STK32B: variants seen among roughly 807,000 people sequenced by gnomAD.
STK32B encodes serine/threonine-protein kinase 32B.
In STK32B, 43 loss-of-function variants were observed where a neutral mutation model predicts 52.6. The ratio of observed to expected loss-of-function variants is 0.82; its 90% CI spans 0.64 to 1.05. The LOEUF (loss-of-function observed/expected upper bound fraction) is 1.05. STK32B is among the 50% of genes least tolerant of loss of function. STK32B has a pLI of 0.00. For synonymous variants in STK32B, 238 were observed against 204.3 expected, an observed-to-expected ratio of 1.17 and a Z score of -1.41; for missense variants, 621 against 534.6, an observed-to-expected ratio of 1.16 and a Z score of -1.59.
chr4:5,171,876 T>A (rs545756680), intron 3 of STK32B, among the ~76,000 whole-genome samples: 2 of 151,042 alleles, frequency 1.3e-5, no homozygotes, highest in East Asian at 2.0e-4. Context: ...GGGATGGCAT[T>A]GAATCTATAA....
intron 3 of STK32B, among the ~76,000 whole-genome samples, chr4:5,184,175 C>A (rs1287806604): frequency 2.6e-5 from 4 of 152,098 alleles, no homozygotes; most frequent in Non-Finnish European, 5.9e-5. Flanking sequence ...TTATTTCTGG[C>A]TTTTGATTTA....
chr4:5,136,901 G>A (rs1191742418), intron 1 of STK32B, among the ~76,000 whole-genome samples: 1 of 152,156 alleles, frequency 6.6e-6, no homozygotes, highest in Non-Finnish European at 1.5e-5. Flanking sequence ...ATCCAATCTA[G>A]TCCAAGAAGC....
chr4:5,309,084 G>A (rs1220249772), intron 3 of STK32B, among the ~76,000 whole-genome samples: 3 of 151,960 alleles, frequency 2.0e-5, no homozygotes, highest in Non-Finnish European at 4.4e-5. Flanking sequence ...AAATGTAATA[G>A]CATTTCTATA....
chr4:5,123,433 A>G (rs1450428314), intron 1 of STK32B, among the ~76,000 whole-genome samples: 2 of 152,126 alleles, frequency 1.3e-5, no homozygotes, highest in African/African-American at 4.8e-5. Flanking sequence ...TCCAATCACA[A>G]TGCTAGCATC....
chr4:5,183,044 A>G (rs1323278761), intron 3 of STK32B, among the ~76,000 whole-genome samples: 2 of 152,198 alleles, frequency 1.3e-5, no homozygotes, highest in East Asian at 1.9e-4. Flanking sequence ...TGTTCCATTT[A>G]TAGAATACAA....
intron 3 of STK32B, among the ~76,000 whole-genome samples, chr4:5,181,361 C>CACACAT (rs955406579): frequency 1.9e-5 from 2 of 104,902 alleles, no homozygotes; most frequent in African/African-American, 2.7e-5. Context: ...CACACACACA[C>CACACAT]ACACACAGAG....
intron 3 of STK32B, among the ~76,000 whole-genome samples, chr4:5,329,379 T>C (rs1251614869): frequency 2.0e-5 from 3 of 152,170 alleles, no homozygotes; most frequent in Non-Finnish European, 4.4e-5. Flanking sequence ...TTGTGGGTAC[T>C]GCGCCATGAT....
At chr4:5,027,703 G>A in the STK32B span, among the ~76,000 whole-genome samples, 2 of 152,154 alleles carry the variant, frequency 1.3e-5, no homozygotes, top group African/African-American at 4.8e-5. Flanking sequence ...CCTCCCTCCT[G>A]TTACAGGAGT....
chr4:5,084,111 A>C (rs1338306103), intron 1 of STK32B, among the ~76,000 whole-genome samples: 1 of 152,138 alleles, frequency 6.6e-6, no homozygotes, highest in Non-Finnish European at 1.5e-5. Flanking sequence ...CTGTCCCTCC[A>C]ATCTCTGTAT....
chr4:5,338,165 A>G (rs553475752), intron 4 of STK32B, among the ~76,000 whole-genome samples: 55 of 152,276 alleles, frequency 3.6e-4, no homozygotes, highest in African/African-American at 1.2e-3. Flanking sequence ...GGATTGTTGT[A>G]TTGTAACAAA....
intron 2 of STK32B, among the ~76,000 whole-genome samples, chr4:5,160,086 C>T (rs555926261): frequency 1.3e-5 from 2 of 152,110 alleles, no homozygotes; most frequent in Admixed American, 6.5e-5. Flanking sequence ...CCAAAACACC[C>T]GCACAGACAC....
At chr4:5,047,779 G>A (rs190791848), upstream of STK32B, among the ~76,000 whole-genome samples, 64 of 152,294 alleles carry the variant, frequency 4.2e-4, no homozygotes, top group African/African-American at 1.5e-3. Flanking sequence ...TGTGGGGGTT[G>A]AACAGTGGCC....
intron 3 of STK32B, among the ~76,000 whole-genome samples, chr4:5,195,501 T>G (rs1721572961): frequency 6.6e-6 from 1 of 152,146 alleles, no homozygotes; most frequent in South Asian, 2.1e-4. Context: ...GAGACCAGCC[T>G]GGCTAACATG....
At chr4:5,114,519 C>T (rs796756094) in intron 1 of STK32B, among the ~76,000 whole-genome samples, 1 of 151,964 alleles carries the variant, frequency 6.6e-6, no homozygotes, top group South Asian at 2.1e-4. Flanking sequence ...CTGACAGTGA[C>T]AAAGAATGAG....
chr4:5,347,587 C>A (rs1289859033), intron 4 of STK32B, among the ~76,000 whole-genome samples: 1 of 152,110 alleles, frequency 6.6e-6, no homozygotes, highest in Non-Finnish European at 1.5e-5. Flanking sequence ...TTGGTAATCA[C>A]CTCATCCATG....
At chr4:5,089,335 C>T (rs1712919492) in intron 1 of STK32B, among the ~76,000 whole-genome samples, 1 of 152,058 alleles carries the variant, frequency 6.6e-6, no homozygotes, top group Non-Finnish European at 1.5e-5. Flanking sequence ...GTTCCCTCTC[C>T]TCAACCCCAT....
In STK32B at chr4:5,462,623, A is replaced by T. The variant is rs541702052; in HGVS notation, c.909+2395A>T. 3.3e-5 allele frequency among the ~76,000 whole-genome samples: 5 copies of T among 152,324 alleles called. No individual in the cohort carries two copies. In the South Asian group the frequency reaches 1.0e-3, roughly 32 times the overall value. ...CTGCACAGGAGCTGGACCCCTGGGA[A>T]GAAAACAGCCCCAGGGCTGCCAGGG... On this transcript the variant is annotated intron_variant, in intron 9 of 11. Coordinates refer to ENST00000282908, the MANE Select transcript of STK32B (RefSeq NM_018401.3).
At chr4:5,413,228 CCTGT>C (rs1280019009) in intron 5 of STK32B, among the ~76,000 whole-genome samples, 3 of 152,308 alleles carry the variant, frequency 2.0e-5, no homozygotes, top group South Asian at 2.1e-4. Context: ...GCTTAAATAA[CCTGT>C]CTAAGTCACA....
At position 5,380,801 on chromosome 4, in the gene STK32B, T is replaced by TA. The variant is rs1422113923; in HGVS notation, c.435-17405dup. On this transcript the variant is annotated intron_variant, in intron 4 of 11. Transcript: ENST00000282908. This position sits in a 1 kb window ranked among gnomAD's most constrained non-coding sequence, Gnocchi z 4.3. ...CTGTTACCTACAATCATGCAGTCCTTACAACAGCCTACAAGTAGAGCTTAG... is the reference window on the plus strand; with the variant it reads ...CTGTTACCTACAATCATGCAGTCCTTAACAACAGCCTACAAGTAGAGCTTAG... Among the ~76,000 whole-genome samples, 1 of 152,194 alleles carries TA rather than the reference T, an allele frequency of 6.6e-6. No individual in the cohort carries two copies. The highest frequency in any genetic ancestry group is 1.9e-4 in the East Asian group (1 of 5,192).
Sources: gnomAD v4.1 joint callset for allele counts (sites outside exome capture counted in the v4.1 genomes callset) on GRCh38, gnomAD v4.1.1 for gene constraint, Gnocchi (gnomAD v3.1) non-coding constraint, MANE v1.5 for transcripts, NCBI Gene and HGNC (gene_info 2026-07-23, HGNC 2026-07-21) for gene names.